The following ACSS3 variants were observed in gnomAD, a reference collection of about 807,000 sequenced individuals.
ACSS3 encodes acyl-CoA synthetase short chain family member 3.
ACSS3 carries 64 observed loss-of-function variants against 84.2 expected under a neutral mutation model. The ratio of observed to expected loss-of-function variants is 0.76; its 90% CI spans 0.62 to 0.94. The LOEUF is 0.94. Among genes scored for constraint, ACSS3 ranks in the 40% least tolerant of loss-of-function variants. ACSS3 has a pLI of 0.00. For synonymous variants in ACSS3, 317 were observed against 310.1 expected (o/e 1.02, Z -0.23); for missense variants, 815 against 867.6 (o/e 0.94, Z 0.76).
rs111583775 is a variant in ACSS3 at position 81,144,373 on chromosome 12, C to A, written c.921+1126C>A. Among the ~76,000 whole-genome samples the A allele has an allele frequency of 5.1e-3, 780 of 152,280 alleles. 5 individuals carry two copies. The highest frequency in any genetic ancestry group is 0.014 in the African/African-American group (568 of 41,556). ...TATTTGTTTCATTGTAGAATTGAAG[C>A]CTTATGATTTTGTTGCAACTCTAGT... is the stretch of plus-strand genomic sequence containing the variant. On this transcript the variant is annotated intron_variant, in intron 5 of 15. Coordinates refer to ENST00000548058, the MANE Select transcript of ACSS3 (RefSeq NM_024560.4).
intron 8 of ACSS3, among the ~76,000 whole-genome samples, chr12:81,183,160 G>A (rs763519980): frequency 9.2e-5 from 14 of 152,150 alleles, no homozygotes; most frequent in East Asian, 3.9e-4. Flanking sequence ...ACTTTTCCCC[G>A]TGTTAGCACA....
chr12:81,232,026 T>A (rs2033482691), intron 12 of ACSS3, among the ~76,000 whole-genome samples: 1 of 151,768 alleles, frequency 6.6e-6, no homozygotes, highest in Non-Finnish European at 1.5e-5. Flanking sequence ...ATCAACGAAA[T>A]GAAAATAATT....
intron 8 of ACSS3, among the ~76,000 whole-genome samples, chr12:81,187,290 A>C (rs942401165): frequency 2.0e-5 from 3 of 151,866 alleles, no homozygotes; most frequent in East Asian, 3.9e-4. Context: ...ACAAGTCTAG[A>C]GATCTAGTGT....
chr12:81,147,359 T>C (rs1388567331), intron 5 of ACSS3, among the ~76,000 whole-genome samples: 1 of 152,230 alleles, frequency 6.6e-6, no homozygotes, highest in Non-Finnish European at 1.5e-5. Flanking sequence ...TACACTAAAC[T>C]GTTCACTCAT....
At chr12:81,131,333 G>A (rs959348444) in intron 2 of ACSS3, among the ~76,000 whole-genome samples, 1 of 152,082 alleles carries the variant, frequency 6.6e-6, no homozygotes, top group Non-Finnish European at 1.5e-5. Flanking sequence ...TCCTTGAAGA[G>A]GTCCTTCACA....
rs535409729 is a variant in ACSS3, at chr12:81,112,668, C to T, written c.456+2964C>T. 3.9e-5 allele frequency among the ~76,000 whole-genome samples: 6 copies of T among 152,292 alleles called. No individual in the cohort carries two copies. In the East Asian group the frequency reaches 1.2e-3, roughly 29 times the overall value. On this transcript the variant is annotated intron_variant, in intron 2 of 15. Transcript: ENST00000548058. Reference sequence around the variant, plus strand: ...CATTGTGTGCTACTTTGATTACTTGCTTCTGATTCCCTGCGGCCTTTATTT... The same window carrying T: ...CATTGTGTGCTACTTTGATTACTTGTTTCTGATTCCCTGCGGCCTTTATTT...
At chr12:81,096,917 G>T (rs1882103376) in intron 1 of ACSS3, among the ~76,000 whole-genome samples, 1 of 152,126 alleles carries the variant, frequency 6.6e-6, no homozygotes, top group Non-Finnish European at 1.5e-5. Flanking sequence ...TGTGAAAAGT[G>T]CTGCAGTGAA....
intron 8 of ACSS3, among the ~76,000 whole-genome samples, chr12:81,183,213 A>G (rs533014249): frequency 1.3e-5 from 2 of 152,286 alleles, no homozygotes; most frequent in South Asian, 2.1e-4. Flanking sequence ...TTGTTTTGTG[A>G]TTTTGGTTTC....
At chr12:81,171,885 G>C (rs553779473) in intron 7 of ACSS3, among the ~76,000 whole-genome samples, 2 of 152,202 alleles carry the variant, frequency 1.3e-5, no homozygotes, top group Non-Finnish European at 2.9e-5. Flanking sequence ...TTGCTCCAAG[G>C]CTACAAACCT....
At chr12:81,090,858 C>A (rs1881622482) in intron 1 of ACSS3, among the ~76,000 whole-genome samples, 1 of 151,966 alleles carries the variant, frequency 6.6e-6, no homozygotes, top group Middle Eastern at 3.2e-3. Context: ...GAACACCACC[C>A]ACTCCCTGCA....
intron 2 of ACSS3, among the ~76,000 whole-genome samples, chr12:81,119,209 A>C (rs1419632096): frequency 1.3e-5 from 2 of 152,154 alleles, no homozygotes. Context: ...GGAGTAGGTC[A>C]TAAGATCACA....
At chr12:81,148,850 T>A (rs35724469) in intron 5 of ACSS3, among the ~76,000 whole-genome samples, 44,918 of 144,334 alleles carry the variant, frequency 0.31, 8,503 homozygotes, top group Middle Eastern at 0.43. Flanking sequence ...TCACGAGGTC[T>A]GGAGATCGAG....
In ACSS3 at chr12:81,216,907, G is replaced by A. The variant is rs2032937442; in HGVS notation, c.1361G>A (p.Gly454Glu). Residue 454 changes from glycine (G) to glutamate (E), a missense_variant, in exon 10 of 16, where the codon GGA becomes GAA. Coordinates refer to ENST00000548058, the MANE Select transcript of ACSS3 (RefSeq NM_024560.4). ...VLDHWWQTET[G>E]SPITASCVGL... The stretch of plus-strand genomic sequence containing the variant: ...ATAACATTTCTTTTTCCAGAGACTG[G>A]ATCTCCAATTACTGCGTCATGTGTT... 1.2e-6 allele frequency: 2 copies of A among 1,609,638 alleles called. No homozygotes were observed. Among genetic ancestry groups the A allele is most frequent in the African/African-American group, 1.3e-5 (1 of 74,752 alleles).
At chr12:81,155,623 C>G (rs1886825518) in intron 7 of ACSS3, among the ~76,000 whole-genome samples, 1 of 152,208 alleles carries the variant, frequency 6.6e-6, no homozygotes, top group Non-Finnish European at 1.5e-5. Context: ...CTCTGCTGGT[C>G]ATTACAGTTT....
At chr12:81,105,049 A>G (rs1351455514) in intron 1 of ACSS3, among the ~76,000 whole-genome samples, 1 of 152,132 alleles carries the variant, frequency 6.6e-6, no homozygotes, top group Non-Finnish European at 1.5e-5. Flanking sequence ...ATGTCTAGAT[A>G]TGATTTACTC....
chr12:81,243,737 A>G (rs1203541486), intron 13 of ACSS3, among the ~76,000 whole-genome samples: 1 of 152,118 alleles, frequency 6.6e-6, no homozygotes, highest in Non-Finnish European at 1.5e-5. Context: ...TTTGACAAAT[A>G]GCAAAATATT....
rs560799546 is a variant in ACSS3 at position 81,256,690 on chromosome 12, TA to T, written c.*1775del. On this transcript the variant is annotated 3_prime_UTR_variant, in exon 16 of 16. Coordinates refer to ENST00000548058, the MANE Select transcript of ACSS3 (RefSeq NM_024560.4). ...TTATAAAAATGACCTACAACTTATA[TA>T]AAAAAATTCTGAAAATGTTGACTTT... 1.2e-4 allele frequency: 19 copies of T among 152,258 alleles called. No homozygotes were observed. The highest frequency in any genetic ancestry group is 2.2e-4 in the Non-Finnish European group (15 of 68,004). 9.4% of individuals were successfully genotyped at this position (152,258 alleles called of 1,614,324 possible). A position where few individuals can be genotyped will look rare whatever the true frequency, so the allele number is the denominator to read the frequency against.
intron 13 of ACSS3, among the ~76,000 whole-genome samples, chr12:81,235,242 G>A (rs909022903): frequency 2.0e-5 from 3 of 151,042 alleles, no homozygotes; most frequent in Non-Finnish European, 4.4e-5. Context: ...ATTGGAGTGG[G>A]TCTGTTTCTA....
chr12:81,255,055 C>T lies in ACSS3; in HGVS notation c.*133C>T. The T allele has an allele frequency of 1.2e-6, 1 of 820,872 alleles. No individual in the cohort carries two copies. The highest frequency in any genetic ancestry group is 1.8e-6 in the Non-Finnish European group (1 of 555,132). 50.8% of individuals were successfully genotyped at this position (820,872 alleles called of 1,614,324 possible). A position where few individuals can be genotyped will look rare whatever the true frequency, so the allele number is the denominator to read the frequency against. ...TGAAATGTGAATTGTAAAACTTGGC[C>T]TAAACAAATCTAATGAAAACATGTG... On this transcript the variant is annotated 3_prime_UTR_variant, in exon 16 of 16. Transcript: ENST00000548058.
Sources: allele counts gnomAD v4.1 joint callset (sites outside exome capture counted in the v4.1 genomes callset), GRCh38; gene constraint gnomAD v4.1.1; transcripts MANE v1.5; gene names NCBI Gene and HGNC (gene_info 2026-07-23, HGNC 2026-07-21).